The following ERC2 variants were observed in gnomAD, a reference collection of about 807,000 sequenced individuals.
ERC2 encodes the protein ERC protein 2.
Under a neutral mutation model 114.8 loss-of-function variants are expected in ERC2, and 42 were observed. That is an observed-to-expected ratio of 0.37 (90% CI 0.29 to 0.47). ERC2 has a LOEUF of 0.47. Ranked by LOEUF, ERC2 falls within the 20% of genes least tolerant of loss-of-function variation. The probability of loss-of-function intolerance (pLI) is 0.99; values close to 1 mark genes in which losing one functional copy is unlikely to be tolerated. For missense variants in ERC2, 939 were observed against 1,150.7 expected (o/e 0.82, Z 2.66); for synonymous variants, 454 against 425.5 (o/e 1.07, Z -0.82).
At chr3:55,781,401 A>C (rs915951135) in intron 14 of ERC2, among the ~76,000 whole-genome samples, 1 of 152,124 alleles carries the variant, frequency 6.6e-6, no homozygotes, top group African/African-American at 2.4e-5. Flanking sequence ...ACCTTCCTGG[A>C]CTTCTCCATA....
chr3:56,149,881 A>C (rs1219759295), intron 4 of ERC2, among the ~76,000 whole-genome samples: 1 of 152,220 alleles, frequency 6.6e-6, no homozygotes, highest in Non-Finnish European at 1.5e-5. Context: ...AAAATTACCA[A>C]TGACAGACTC....
At chr3:55,950,730 C>T (rs930761698) in intron 12 of ERC2, among the ~76,000 whole-genome samples, 170 bp from the exon 13 acceptor site, 5 of 152,216 alleles carry the variant, frequency 3.3e-5, no homozygotes, top group African/African-American at 1.2e-4. Flanking sequence ...TGAGCATCCA[C>T]TTAATACCAG....
intron 17 of ERC2, among the ~76,000 whole-genome samples, chr3:55,566,087 T>C (rs1364057013): frequency 6.6e-6 from 1 of 152,236 alleles, no homozygotes; most frequent in Non-Finnish European, 1.5e-5. Context: ...TTTCACTCTA[T>C]GATGGACTCC....
At chr3:55,655,831 C>T (rs1174032639) in intron 17 of ERC2, among the ~76,000 whole-genome samples, 5 of 152,244 alleles carry the variant, frequency 3.3e-5, no homozygotes, top group South Asian at 2.1e-4. Flanking sequence ...GAGCCACTAA[C>T]AGCTAATGAG....
At position 55,508,615 on chromosome 3, in the gene ERC2, C is replaced by T. The variant is rs1356429257; in HGVS notation, c.*2701G>A. ...CGAGGGTCTCGGGGAATTAGATACA[C>T]TGACCCTGGGCAGCATTCAATCGCC... On this transcript the variant is annotated 3_prime_UTR_variant, in exon 18 of 18. Coordinates refer to ENST00000288221, the MANE Select transcript of ERC2 (RefSeq NM_015576.3). 1 of 152,560 alleles carries T rather than the reference C, an allele frequency of 6.6e-6. No homozygotes were observed. The highest frequency in any genetic ancestry group is 2.4e-5 in the African/African-American group (1 of 41,432). 9.5% of individuals were successfully genotyped at this position (152,560 alleles called of 1,614,324 possible). A position where few individuals can be genotyped will look rare whatever the true frequency, so the allele number is the denominator to read the frequency against.
At chr3:56,035,389 C>T (rs545772662) in intron 7 of ERC2, among the ~76,000 whole-genome samples, 8 of 152,266 alleles carry the variant, frequency 5.3e-5, no homozygotes, top group African/African-American at 1.7e-4. Context: ...TTCTACCAAA[C>T]GTTTAAAGAA....
chr3:55,890,854 G>A (rs1335560610), intron 13 of ERC2, among the ~76,000 whole-genome samples: 1 of 152,190 alleles, frequency 6.6e-6, no homozygotes, highest in Non-Finnish European at 1.5e-5. Flanking sequence ...GACCATGTGG[G>A]GCACTGGCCT....
At chr3:55,737,969 G>T (rs2065744647) in intron 14 of ERC2, among the ~76,000 whole-genome samples, 1 of 152,098 alleles carries the variant, frequency 6.6e-6, no homozygotes, top group African/African-American at 2.4e-5. Context: ...TAATCTCAGG[G>T]TTGCCCTCCT....
chr3:56,274,497 T>G, intron 3 of ERC2, among the ~76,000 whole-genome samples: 1 of 126,294 alleles, frequency 7.9e-6, no homozygotes, highest in East Asian at 2.0e-4. Flanking sequence ...ACCTGTATTT[T>G]CAATCTGCAT....
At chr3:56,108,225 A>G (rs1184485941) in intron 6 of ERC2, among the ~76,000 whole-genome samples, 1 of 152,162 alleles carries the variant, frequency 6.6e-6, no homozygotes, top group African/African-American at 2.4e-5. Flanking sequence ...GGGAAATGGA[A>G]GCTCTCTCAA....
rs189521092 is a variant in ERC2 at position 55,885,030 on chromosome 3, T to C, written c.2564+3359A>G. ...TATGGGGTGAGACAGAAATTAGTTA[T>C]GAAATCACAGTTTCTTTCTCTTGAC... On this transcript the variant is annotated intron_variant, in intron 14 of 17. Transcript: ENST00000288221. Among the ~76,000 whole-genome samples, 111 of 152,298 alleles carry C rather than the reference T, an allele frequency of 7.3e-4. 1 individual carries two copies. The highest frequency in any genetic ancestry group is 3.3e-3 in the East Asian group (17 of 5,176).
At chr3:55,616,990 C>G (rs767097632) in intron 17 of ERC2, among the ~76,000 whole-genome samples, 1 of 152,138 alleles carries the variant, frequency 6.6e-6, no homozygotes, top group Non-Finnish European at 1.5e-5. Flanking sequence ...ATCTTCATCC[C>G]AGGGAGGCAG....
intron 17 of ERC2, among the ~76,000 whole-genome samples, chr3:55,594,467 G>A (rs575592812): frequency 0.023 from 331 of 14,446 alleles, 1 homozygote; most frequent in Admixed American, 0.035. Flanking sequence ...TATAGAGCAG[G>A]TAGTTTTATT....
intron 2 of ERC2, among the ~76,000 whole-genome samples, chr3:56,416,257 C>T (rs1336277824): frequency 6.6e-6 from 1 of 152,146 alleles, no homozygotes; most frequent in Non-Finnish European, 1.5e-5. Flanking sequence ...CCTTCTCTGA[C>T]CACCTCCTCC....
chr3:56,279,010 G>C (rs1047338889), intron 3 of ERC2, among the ~76,000 whole-genome samples: 2 of 152,180 alleles, frequency 1.3e-5, no homozygotes, highest in African/African-American at 2.4e-5. Flanking sequence ...GGCAGAAATG[G>C]TAATTTCCTG....
chr3:55,611,469 T>C (rs987259120), intron 17 of ERC2, among the ~76,000 whole-genome samples: 1 of 152,184 alleles, frequency 6.6e-6, no homozygotes, highest in African/African-American at 2.4e-5. Context: ...GGCTTGTGTG[T>C]GAAGGCTGGG....
chr3:56,289,051 C>T (rs538982568), intron 3 of ERC2, among the ~76,000 whole-genome samples: 5 of 152,236 alleles, frequency 3.3e-5, no homozygotes, highest in East Asian at 1.9e-4. Flanking sequence ...TTGGGCAGAA[C>T]GTCACAATCA....
intron 12 of ERC2, among the ~76,000 whole-genome samples, chr3:55,957,977 T>G (rs1315634503): frequency 1.3e-5 from 2 of 152,146 alleles, no homozygotes; most frequent in African/African-American, 4.8e-5. Flanking sequence ...GTTGGGGGTG[T>G]GTTTCAGTCC....
At chr3:55,884,646 G>C (rs113949904) in intron 14 of ERC2, among the ~76,000 whole-genome samples, 14 of 152,036 alleles carry the variant, frequency 9.2e-5, no homozygotes, top group Non-Finnish European at 1.5e-5. Context: ...ACCACCTTAT[G>C]AGCCCATGGC....
Sources: allele counts gnomAD v4.1 joint callset (sites outside exome capture counted in the v4.1 genomes callset), GRCh38; gene constraint gnomAD v4.1.1; transcripts MANE v1.5; gene names NCBI Gene and HGNC (gene_info 2026-07-23, HGNC 2026-07-21).